The following ZNF384 variants were observed in gnomAD, a reference collection of about 807,000 sequenced individuals.
ZNF384 encodes zinc finger protein 384.
A neutral mutation model predicts 65.0 loss-of-function variants in ZNF384; 20 were observed. The observed-to-expected ratio is 0.31, with a 90% CI of 0.22 to 0.45. The LOEUF (loss-of-function observed/expected upper bound fraction) is 0.45. Among genes scored for constraint, ZNF384 ranks in the 20% least tolerant of loss-of-function variants. ZNF384 has a pLI of 1.00. For missense variants in ZNF384, 549 were observed against 769.4 expected (o/e 0.71, Z 3.39); for synonymous variants, 310 against 303.9 (o/e 1.02, Z -0.21).
intron 10 of ZNF384, among the ~76,000 whole-genome samples, chr12:6,669,791 C>T (rs1187754464): frequency 2.0e-5 from 3 of 152,232 alleles, no homozygotes; most frequent in East Asian, 3.9e-4. Flanking sequence ...TGTGAGCCAC[C>T]GCGCCCAGCC....
At chr12:6,668,532 A>C (rs552991658) in intron 11 of ZNF384, among the ~76,000 whole-genome samples, 1 of 151,940 alleles carries the variant, frequency 6.6e-6, no homozygotes, top group Admixed American at 6.6e-5. Context: ...GTGAAACCCC[A>C]TGTCTACTAA....
intron 2 of ZNF384, among the ~76,000 whole-genome samples, chr12:6,687,936 C>T (rs1958549108): frequency 6.6e-6 from 1 of 152,146 alleles, no homozygotes; most frequent in Non-Finnish European, 1.5e-5. Flanking sequence ...TCCTGATGAG[C>T]ATTAGTAGGA....
chr12:6,678,593 C>G lies in ZNF384; in HGVS notation c.352+70G>C. ...ACCCAACCCAGAGTACACAGGAAAT[C>G]CCAAACCCTGTAGAAAAATAATGGT... On this transcript the variant is annotated intron_variant, in intron 5 of 11. Transcript: ENST00000683879. This position sits in a 1 kb window ranked among gnomAD's most constrained non-coding sequence, Gnocchi z 4.9. 6.3e-7 allele frequency: 1 copy of G among 1,583,106 alleles called. No homozygotes were observed. The highest frequency in any genetic ancestry group is 1.1e-5 in the South Asian group (1 of 89,284).
chr12:6,670,695 A>T lies in ZNF384; in HGVS notation c.1266+65T>A, dbSNP rs551341846. ...GGAGTCCTGAAAACATTTGAGAACC[A>T]CGATACTATTCAAATGGCCCCATGT... On this transcript the variant is annotated intron_variant, in intron 10 of 11. Coordinates refer to ENST00000683879, the MANE Select transcript of ZNF384 (RefSeq NM_001385745.1). 4.8e-4 allele frequency: 720 copies of T among 1,484,982 alleles called. 1 individual carries two copies. The highest frequency in any genetic ancestry group is 6.2e-4 in the Non-Finnish European group (659 of 1,063,242). 92.0% of individuals were successfully genotyped at this position (1,484,982 alleles called of 1,614,324 possible).
chr12:6,678,875 G>C lies in ZNF384; in HGVS notation c.304+71C>G, dbSNP rs776010212. 15 of 1,538,682 alleles carry C rather than the reference G, an allele frequency of 9.7e-6. No individual in the cohort carries two copies. Among genetic ancestry groups the C allele is most frequent in the South Asian group, 2.3e-5 (2 of 87,268 alleles). On this transcript the variant is annotated intron_variant, in intron 4 of 11. Coordinates refer to ENST00000683879, the MANE Select transcript of ZNF384 (RefSeq NM_001385745.1). This position sits in a 1 kb window ranked among gnomAD's most constrained non-coding sequence, Gnocchi z 4.9. ...ACATATCCCACTCCCCATGTCCTTG[G>C]AGCCCTCCAGCCTGGGGTACTGATC...
rs1949972928 is a variant in ZNF384, at chr12:6,667,180, G to A, written c.*534C>T. On this transcript the variant is annotated 3_prime_UTR_variant, in exon 12 of 12. Coordinates refer to ENST00000683879, the MANE Select transcript of ZNF384 (RefSeq NM_001385745.1). ...TACCCCAAATCTCCTTCTACCAGCAGTCAATAGGAAGCAAAGTGAGACGAT... is the reference window on the plus strand; with the variant it reads ...TACCCCAAATCTCCTTCTACCAGCAATCAATAGGAAGCAAAGTGAGACGAT... The A allele has an allele frequency of 7.4e-6, 2 of 269,780 alleles. No homozygotes were observed. Among genetic ancestry groups the A allele is most frequent in the African/African-American group, 2.2e-5 (1 of 46,222 alleles). 16.7% of individuals were successfully genotyped at this position (269,780 alleles called of 1,614,324 possible).
rs111309732 is a variant in ZNF384 at position 6,673,434 on chromosome 12, C to T, written c.786G>A (p.Arg262=). Residue 262 remains arginine, a synonymous_variant, in exon 8 of 12, where the codon CGG becomes CGA. Coordinates refer to ENST00000683879, the MANE Select transcript of ZNF384 (RefSeq NM_001385745.1). The surrounding 1 kb of genome is among the most constrained non-coding windows in gnomAD (Gnocchi z 4.7). ...TTNLLCDPGC[R]MCSLTFYSKS... is the part of the protein sequence containing the mutation. ...TGGAGTAGAATGTCAGTGAGCACAT[C>T]CGGCACCTGAGCCAAGTGAGGGCAA... is the stretch of plus-strand genomic sequence containing the variant. 8.4e-4 allele frequency: 1,353 copies of T among 1,613,756 alleles called. 12 individuals carry two copies. The African/African-American group carries it at 0.016, about 19-fold the overall frequency.
chr12:6,676,159 G>A (rs1403018691), intron 7 of ZNF384, among the ~76,000 whole-genome samples: 1 of 152,162 alleles, frequency 6.6e-6, no homozygotes, highest in Non-Finnish European at 1.5e-5. Flanking sequence ...AGAATTAGCT[G>A]GGCGTGGTGG....
At position 6,668,011 on chromosome 12, in the gene ZNF384, T is replaced by C. The variant is rs770663764; in HGVS notation, c.1530A>G (p.Gln510=). 1.2e-5 allele frequency: 20 copies of C among 1,612,618 alleles called. 1 individual carries two copies. The highest frequency in any genetic ancestry group is 9.9e-5 in the South Asian group (9 of 90,966). The part of the protein sequence containing the change: ...AAAAVAQAQA[Q]AQAQAQAQAQ... ...CCTGAGCCTGAGCCTGGGCTTGAGC[T>C]TGAGCCTGGGCCTGGGCCACTGCTG... Residue 510 remains glutamine (Q), a synonymous_variant, in exon 12 of 12, where the codon CAA becomes CAG. Coordinates refer to ENST00000683879, the MANE Select transcript of ZNF384 (RefSeq NM_001385745.1).
chr12:6,679,232 T>TGAA, intron 3 of ZNF384, 49 bp from the exon 4 acceptor site: 1 of 1,495,250 alleles, frequency 6.7e-7, no homozygotes, highest in Non-Finnish European at 9.1e-7. Context: ...CCTGAGAGGC[T>TGAA]GATTCTGCTT....
At position 6,667,785 on chromosome 12, in the gene ZNF384, C is replaced by G; in HGVS notation, c.1756G>C (p.Glu586Gln). The G allele has an allele frequency of 6.2e-7, 1 of 1,614,210 alleles. No homozygotes were observed. Among genetic ancestry groups the G allele is most frequent in the Non-Finnish European group, 8.5e-7 (1 of 1,180,040 alleles). Residue 586 changes from glutamate (E) to glutamine (Q), a missense_variant, in exon 12 of 12, where the codon GAG becomes CAG. Physicochemically the swap from Glu to Gln is conservative, Grantham distance 29. Around this residue, in one of 5 missense-constraint regions of ZNF384, gnomAD observed 136 missense variants for 183.0 expected, o/e 0.74. Coordinates refer to ENST00000683879, the MANE Select transcript of ZNF384 (RefSeq NM_001385745.1). ...SFDLTPYKTA[E>Q]HHKDICLTVT... ...GTGAGGCAGATGTCCTTATGATGCT[C>G]CGCCGTCTTATACGGGGTCAGGTCA...
chr12:6,685,546 G>A (rs1408136241), intron 2 of ZNF384, among the ~76,000 whole-genome samples: 3 of 152,092 alleles, frequency 2.0e-5, no homozygotes, highest in Non-Finnish European at 2.9e-5. Context: ...GCCGAGGCAG[G>A]TGGACTGCCT....
At chr12:6,671,944 CTGTTCA>C (rs1951665380) in intron 9 of ZNF384, 1 of 160,770 alleles carries the variant, frequency 6.2e-6, no homozygotes. Flanking sequence ...ATTTTATTTC[CTGTTCA>C]TAATTGGTGC....
Position 6,677,165 on chromosome 12 carries a change from G to T in ZNF384, c.779+2C>A. 2.1e-6 allele frequency: 2 copies of T among 959,412 alleles called. No individual in the cohort carries two copies. The highest frequency in any genetic ancestry group is 1.5e-6 in the Non-Finnish European group (1 of 680,994). 59.4% of individuals were successfully genotyped at this position (959,412 alleles called of 1,614,324 possible). On this transcript the variant is annotated splice_donor_variant, in intron 7 of 11. Coordinates refer to ENST00000683879, the MANE Select transcript of ZNF384 (RefSeq NM_001385745.1). LOFTEE classifies it high-confidence loss of function. ...AGGCCCAGAGAGGGGAAAAGGACTT[G>T]CCCAGGGTCACACAGCAAATTCGTG...
chr12:6,678,430 C>T lies in ZNF384; in HGVS notation c.383G>A (p.Gly128Asp). 15 of 1,597,634 alleles carry T rather than the reference C, an allele frequency of 9.4e-6. No homozygotes were observed. The highest frequency in any genetic ancestry group is 1.2e-5 in the Non-Finnish European group (14 of 1,171,724). Reference protein sequence around the residue: ...GPGLVITSPSGSLVTTASSAQ... With the variant: ...GPGLVITSPSDSLVTTASSAQ... Reference sequence around the variant, plus strand: ...TGATGATGCTGTGGTCACAAGAGAGCCTGAGGGGGACGTGATTACCAAACC... The same window carrying T: ...TGATGATGCTGTGGTCACAAGAGAGTCTGAGGGGGACGTGATTACCAAACC... The change falls in exon 6 of 12, where the codon GGC becomes GAC. Residue 128 changes from glycine to aspartate, a missense_variant. Transcript: ENST00000683879. This position sits in a 1 kb window ranked among gnomAD's most constrained non-coding sequence, Gnocchi z 4.9.
chr12:6,682,317 C>T (rs1222481609), intron 2 of ZNF384, among the ~76,000 whole-genome samples: 1 of 135,276 alleles, frequency 7.4e-6, no homozygotes, highest in African/African-American at 2.7e-5. Context: ...AAGACCCCAA[C>T]TCCAAAACAA....
Position 6,689,197 on chromosome 12 carries a change from G to A in ZNF384, c.-165C>T, listed in dbSNP as rs1959101944. 1 of 153,028 alleles carries A rather than the reference G, an allele frequency of 6.5e-6. No homozygotes were observed. Among genetic ancestry groups the A allele is most frequent in the Non-Finnish European group, 1.5e-5 (1 of 68,378 alleles). 9.5% of individuals were successfully genotyped at this position (153,028 alleles called of 1,614,324 possible). A position where few individuals can be genotyped will look rare whatever the true frequency, so the allele number is the denominator to read the frequency against. ...GGAGCCGAGGAGGGTGGGAGGACCA[G>A]GAAGGGGCGAGGGAGGGGAAAAAGC... is the stretch of plus-strand genomic sequence containing the variant. On this transcript the variant is annotated 5_prime_UTR_variant, in exon 1 of 12. Coordinates refer to ENST00000683879, the MANE Select transcript of ZNF384 (RefSeq NM_001385745.1).
intron 2 of ZNF384, among the ~76,000 whole-genome samples, chr12:6,681,293 C>A (rs1476075413): frequency 6.6e-6 from 1 of 151,238 alleles, no homozygotes; most frequent in Admixed American, 6.6e-5. Context: ...CAGATGGGTA[C>A]AGAACACAGG....
In ZNF384 at chr12:6,672,406, G is replaced by A; in HGVS notation, c.1131C>T (p.Asn377=). ...LRIHSGAKPY[N]CSYCQKAFRQ... Reference sequence around the variant, plus strand: ...GGAAGGCCTTCTGGCAGTAGGAACAGTTGTAGGGCTTGGCCCCCGAGTGGA... The same window carrying A: ...GGAAGGCCTTCTGGCAGTAGGAACAATTGTAGGGCTTGGCCCCCGAGTGGA... Residue 377 remains asparagine (N), a synonymous_variant, in exon 9 of 12, where the codon AAC becomes AAT. Coordinates refer to ENST00000683879, the MANE Select transcript of ZNF384 (RefSeq NM_001385745.1). The surrounding 1 kb of genome is among the most constrained non-coding windows in gnomAD (Gnocchi z 4.4). 2 of 1,614,156 alleles carry A rather than the reference G, an allele frequency of 1.2e-6. No individual in the cohort carries two copies. Among genetic ancestry groups the A allele is most frequent in the Non-Finnish European group, 1.7e-6 (2 of 1,179,954 alleles).
Sources: gnomAD v4.1 joint callset for allele counts (sites outside exome capture counted in the v4.1 genomes callset) on GRCh38, gnomAD v4.1.1 for gene constraint, gnomAD v4.1.1 regional missense constraint, Gnocchi (gnomAD v3.1) non-coding constraint, MANE v1.5 for transcripts, NCBI Gene and HGNC (gene_info 2026-07-23, HGNC 2026-07-21) for gene names.